The following IL1RAPL1 variants were observed in gnomAD, a reference collection of about 807,000 sequenced individuals.
IL1RAPL1 encodes the protein interleukin 1 receptor accessory protein like 1.
IL1RAPL1 carries 3 observed loss-of-function variants against 48.4 expected under a neutral mutation model. The ratio of observed to expected loss-of-function variants is 0.06; its 90% CI spans 0.03 to 0.16. The LOEUF (loss-of-function observed/expected upper bound fraction) is 0.16, where lower values mean the gene tolerates loss of function less well. Ranked by LOEUF, IL1RAPL1 falls within the 10% of genes least tolerant of loss-of-function variation. The pLI is 1.00. For synonymous variants in IL1RAPL1, 185 were observed against 187.7 expected, an observed-to-expected ratio of 0.99 and a Z score of 0.12; for missense variants, 349 against 530.6, an observed-to-expected ratio of 0.66 and a Z score of 3.36.
At chrX:28,733,067 A>G (rs1935774593) in intron 1 of IL1RAPL1, among the ~76,000 whole-genome samples, 1 of 109,695 alleles carries the variant, frequency 9.1e-6, no homozygotes, top group African/African-American at 3.3e-5. Context: ...TATTTCATAG[A>G]GTGGTTGTAA....
intron 3 of IL1RAPL1, among the ~76,000 whole-genome samples, chrX:29,359,466 T>A (rs1933348690): frequency 8.9e-6 from 1 of 112,536 alleles, no homozygotes. Context: ...CTATTTGTCC[T>A]GTCAACTCAT....
intron 6 of IL1RAPL1, among the ~76,000 whole-genome samples, chrX:29,869,224 G>C (rs1931756578): frequency 8.9e-6 from 1 of 112,177 alleles, no homozygotes. Flanking sequence ...TGCCCATTAT[G>C]TGATAACTGA....
intron 5 of IL1RAPL1, among the ~76,000 whole-genome samples, chrX:29,520,519 A>G (rs1221707992): frequency 2.7e-5 from 3 of 111,301 alleles, no homozygotes; most frequent in Non-Finnish European, 3.8e-5. Flanking sequence ...TTTAACACAA[A>G]TATTTGAATT....
At chrX:29,898,290 C>T (rs1005873499) in intron 6 of IL1RAPL1, among the ~76,000 whole-genome samples, 4 of 111,955 alleles carry the variant, frequency 3.6e-5, no homozygotes, top group South Asian at 3.7e-4. Context: ...CTATAGCTGC[C>T]GTGGGCATGG....
intron 3 of IL1RAPL1, among the ~76,000 whole-genome samples, chrX:29,367,243 C>A (rs1440674329): frequency 1.8e-5 from 2 of 111,959 alleles, no homozygotes; most frequent in African/African-American, 6.5e-5. Context: ...GAAACTTTTA[C>A]CTTTTCTCTC....
At chrX:29,087,060 T>G (rs1276243788) in intron 2 of IL1RAPL1, among the ~76,000 whole-genome samples, 1 of 111,069 alleles carries the variant, frequency 9.0e-6, no homozygotes. Context: ...TCTCCAGAAA[T>G]CTAGACAGAA....
intron 6 of IL1RAPL1, among the ~76,000 whole-genome samples, chrX:29,839,513 G>A (rs770316077): frequency 2.7e-5 from 3 of 112,561 alleles, no homozygotes; most frequent in African/African-American, 9.7e-5. Flanking sequence ...CTGAAGCTAT[G>A]CATTAACCTG....
intron 5 of IL1RAPL1, among the ~76,000 whole-genome samples, chrX:29,570,505 TG>T (rs1420082005): frequency 8.9e-6 from 1 of 112,550 alleles, no homozygotes; most frequent in African/African-American, 3.2e-5. Flanking sequence ...CTTAAAAGTA[TG>T]GGAGTTTGAT....
intron 3 of IL1RAPL1, among the ~76,000 whole-genome samples, chrX:29,350,191 TTATATATATATATATATATA>T (rs397897010): frequency 3.0e-4 from 12 of 39,424 alleles, no homozygotes; most frequent in Admixed American, 2.7e-3. Context: ...TACTGTTATT[TTATATATATATATATATATA>T]TATATATATA....
chrX:29,813,563 ATTTTTTATTTT>A (rs1930424617), intron 6 of IL1RAPL1, among the ~76,000 whole-genome samples: 1 of 111,063 alleles, frequency 9.0e-6, no homozygotes, highest in Non-Finnish European at 1.9e-5. Context: ...GGCTGCTTTC[ATTTTTTATTTT>A]TTAATTTTTA....
chrX:29,753,542 A>T (rs895930273), intron 6 of IL1RAPL1, among the ~76,000 whole-genome samples: 1 of 111,998 alleles, frequency 8.9e-6, no homozygotes, highest in South Asian at 3.7e-4. Context: ...TTTCTCTCCC[A>T]CTGAGAATTA....
chrX:29,432,681 TAAGTG>T (rs1054955721), intron 5 of IL1RAPL1, among the ~76,000 whole-genome samples: 2 of 111,841 alleles, frequency 1.8e-5, no homozygotes, highest in African/African-American at 3.2e-5. Flanking sequence ...AAGGAATAGA[TAAGTG>T]GAGAGATTTT....
intron 8 of IL1RAPL1, among the ~76,000 whole-genome samples, chrX:29,938,323 A>G (rs1348811495): frequency 8.9e-6 from 1 of 112,175 alleles, no homozygotes; most frequent in Non-Finnish European, 1.9e-5. Context: ...TGATCAGATT[A>G]TATTTCAGGC....
chrX:29,374,200 A>G (rs371777949), intron 3 of IL1RAPL1, among the ~76,000 whole-genome samples: 3 of 102,597 alleles, frequency 2.9e-5, no homozygotes, highest in African/African-American at 1.1e-4. Flanking sequence ...AAATAGTTCC[A>G]GTAAGATTGG....
intron 3 of IL1RAPL1, among the ~76,000 whole-genome samples, chrX:29,348,415 A>G (rs149757099): frequency 0.018 from 2,016 of 112,332 alleles, 34 homozygotes; most frequent in African/African-American, 0.058. Context: ...GAAGAGTTCA[A>G]TGTAACTTTT....
chrX:28,728,053 T>C (rs1023103127), intron 1 of IL1RAPL1, among the ~76,000 whole-genome samples: 2 of 111,066 alleles, frequency 1.8e-5, no homozygotes, highest in Non-Finnish European at 3.8e-5. Flanking sequence ...ACATGTACCC[T>C]AAAACTTAAA....
rs149349400 is a variant in IL1RAPL1 at position 29,175,380 on chromosome X, G to A, written c.83-107558G>A. On this transcript the variant is annotated intron_variant, in intron 2 of 10. Transcript: ENST00000378993. Reference sequence around the variant, plus strand: ...AAGCCAATGAAGTGAGTTATACATGGGCTGAGATTAATCAGTTTATTATTT... The same window carrying A: ...AAGCCAATGAAGTGAGTTATACATGAGCTGAGATTAATCAGTTTATTATTT... Among the ~76,000 whole-genome samples, 1,087 of 111,724 alleles carry A rather than the reference G, an allele frequency of 9.7e-3. 7 individuals are homozygous for A. The highest frequency in any genetic ancestry group is 0.016 in the Non-Finnish European group (837 of 53,149).
intron 2 of IL1RAPL1, among the ~76,000 whole-genome samples, chrX:28,807,327 G>A (rs1041397809): frequency 1.8e-5 from 2 of 110,520 alleles, no homozygotes; most frequent in African/African-American, 3.3e-5. Flanking sequence ...TTACCTGGAT[G>A]TGATATTAAA....
intron 1 of IL1RAPL1, among the ~76,000 whole-genome samples, chrX:28,689,911 G>A (rs1008430690): frequency 1.3e-4 from 14 of 111,881 alleles, no homozygotes; most frequent in Non-Finnish European, 2.6e-4. Flanking sequence ...AAAATGCCAT[G>A]TTACTTCCTT....
Sources: allele counts gnomAD v4.1 joint callset (sites outside exome capture counted in the v4.1 genomes callset), GRCh38; gene constraint gnomAD v4.1.1; transcripts MANE v1.5; gene names NCBI Gene and HGNC (gene_info 2026-07-23, HGNC 2026-07-21).